Variants in DIAPH2 observed in about 807,000 individuals in gnomAD.
The protein encoded by DIAPH2 is diaphanous related formin 2.
In DIAPH2, 35 loss-of-function variants were observed where a neutral mutation model predicts 92.7. The ratio of observed to expected loss-of-function variants is 0.38; its 90% CI spans 0.29 to 0.50. The LOEUF is 0.50. Among genes scored for constraint, DIAPH2 ranks in the 20% least tolerant of loss-of-function variants. The probability of loss-of-function intolerance (pLI) is 0.94; values close to 1 mark genes in which losing one functional copy is unlikely to be tolerated. For missense variants in DIAPH2, 701 were observed against 819.5 expected (o/e 0.86, Z 1.77); for synonymous variants, 301 against 280.4 (o/e 1.07, Z -0.73).
chrX:97,578,170 A>C (rs1602678731), intron 26 of DIAPH2, among the ~76,000 whole-genome samples: 1 of 85,401 alleles, frequency 1.2e-5, no homozygotes, highest in African/African-American at 4.5e-5. Flanking sequence ...ATTTATTTTT[A>C]TTTATTTTTA....
intron 26 of DIAPH2, among the ~76,000 whole-genome samples, chrX:97,559,721 C>CA (rs1221995292): frequency 1.8e-5 from 2 of 111,152 alleles, no homozygotes; most frequent in Admixed American, 9.5e-5. Flanking sequence ...AAGATTTAAC[C>CA]AAAAAAATAC....
chrX:97,348,981 A>C (rs1052391846), intron 24 of DIAPH2, among the ~76,000 whole-genome samples: 2 of 106,761 alleles, frequency 1.9e-5, no homozygotes, highest in African/African-American at 7.0e-5. Flanking sequence ...CAAACAGGTA[A>C]AGGTGTGTGT....
chrX:97,053,627 G>C (rs893001946), intron 17 of DIAPH2, among the ~76,000 whole-genome samples: 2 of 111,415 alleles, frequency 1.8e-5, no homozygotes, highest in Admixed American at 1.9e-4. Flanking sequence ...TGAAGAATCA[G>C]AGTGATTCAG....
chrX:96,976,669 A>G (rs1189711872), intron 17 of DIAPH2, among the ~76,000 whole-genome samples: 1 of 110,884 alleles, frequency 9.0e-6, no homozygotes, highest in South Asian at 3.8e-4. Context: ...TAAGTCACCA[A>G]TTGTAGAGAG....
At chrX:96,756,285 C>T (rs766780413) in intron 3 of DIAPH2, among the ~76,000 whole-genome samples, 4 of 110,722 alleles carry the variant, frequency 3.6e-5, no homozygotes, top group African/African-American at 1.3e-4. Context: ...TCCAAACTCC[C>T]TCCTCTTCTC....
chrX:97,512,464 C>T (rs1287196327), intron 26 of DIAPH2, among the ~76,000 whole-genome samples: 120 of 108,245 alleles, frequency 1.1e-3, no homozygotes, highest in African/African-American at 4.3e-3. Context: ...AAACCAGCTC[C>T]TGGATTCATT....
At chrX:97,558,274 C>G (rs1358876664) in intron 26 of DIAPH2, among the ~76,000 whole-genome samples, 1 of 111,919 alleles carries the variant, frequency 8.9e-6, no homozygotes, top group East Asian at 2.8e-4. Context: ...GAAGACCCAA[C>G]TCTTTGTTGA....
chrX:97,345,980 A>G (rs2069152774), intron 23 of DIAPH2, among the ~76,000 whole-genome samples: 1 of 111,949 alleles, frequency 8.9e-6, no homozygotes, highest in African/African-American at 3.2e-5. Context: ...TATAATTTCT[A>G]TAAGTATAAA....
At chrX:96,856,618 A>G (rs2065041689) in intron 4 of DIAPH2, among the ~76,000 whole-genome samples, 1 of 110,131 alleles carries the variant, frequency 9.1e-6, no homozygotes, top group African/African-American at 3.3e-5. Context: ...TAAAGGGTAA[A>G]CACAATAAGC....
chrX:97,264,297 C>T (rs1226527062), intron 23 of DIAPH2, among the ~76,000 whole-genome samples: 2 of 111,315 alleles, frequency 1.8e-5, no homozygotes, highest in Admixed American at 9.6e-5. Flanking sequence ...TTAAGAAGGT[C>T]ACATAGGTGC....
intron 16 of DIAPH2, among the ~76,000 whole-genome samples, chrX:96,964,788 C>A (rs1055857502): frequency 2.7e-5 from 3 of 111,179 alleles, no homozygotes; most frequent in Non-Finnish European, 5.7e-5. Context: ...AACCCAGGAA[C>A]AAGAAGATTT....
At chrX:97,029,730 C>T (rs968619753) in intron 17 of DIAPH2, among the ~76,000 whole-genome samples, 3 of 111,218 alleles carry the variant, frequency 2.7e-5, no homozygotes, top group Non-Finnish European at 5.7e-5. Context: ...TCATAATTGT[C>T]ACCCTTATCC....
intron 4 of DIAPH2, among the ~76,000 whole-genome samples, chrX:96,790,652 A>T (rs912086647): frequency 9.0e-6 from 1 of 111,448 alleles, no homozygotes; most frequent in Admixed American, 9.6e-5. Context: ...GGGAAAAAAA[A>T]TCCTATGTAT....
intron 9 of DIAPH2, among the ~76,000 whole-genome samples, chrX:96,919,207 T>C (rs770422882): frequency 8.9e-6 from 1 of 112,621 alleles, no homozygotes; most frequent in Admixed American, 9.4e-5. Context: ...TGAGAATGCA[T>C]ATTTATTGGC....
At chrX:97,308,787 A>T (rs1000627015) in intron 23 of DIAPH2, among the ~76,000 whole-genome samples, 4 of 106,196 alleles carry the variant, frequency 3.8e-5, no homozygotes, top group East Asian at 3.1e-4. Flanking sequence ...CGCCCGGCAA[A>T]TTTTTTTGTA....
At chrX:97,388,391 A>T in intron 25 of DIAPH2, among the ~76,000 whole-genome samples, 1 of 111,674 alleles carries the variant, frequency 9.0e-6, no homozygotes, top group Non-Finnish European at 1.9e-5. Flanking sequence ...TCACTCTGTC[A>T]CCCAGGCTGG....
At chrX:97,407,956 C>A (rs1206398629) in intron 25 of DIAPH2, among the ~76,000 whole-genome samples, 1 of 111,795 alleles carries the variant, frequency 8.9e-6, no homozygotes, top group Non-Finnish European at 1.9e-5. Flanking sequence ...GTTTTACCAG[C>A]TTTGGGGAGG....
intron 25 of DIAPH2, among the ~76,000 whole-genome samples, chrX:97,413,048 C>G (rs1431799868): frequency 2.7e-5 from 3 of 112,059 alleles, no homozygotes; most frequent in Non-Finnish European, 5.6e-5. Flanking sequence ...CTCCCTAACT[C>G]ATTTTATGAG....
chrX:96,859,893 G>A (rs2065063353), intron 4 of DIAPH2, among the ~76,000 whole-genome samples: 2 of 111,229 alleles, frequency 1.8e-5, no homozygotes, highest in Non-Finnish European at 3.8e-5. Flanking sequence ...CGCCCGCCTC[G>A]GCCTCCCAAA....
Sources: gnomAD v4.1 joint callset for allele counts (sites outside exome capture counted in the v4.1 genomes callset) on GRCh38, gnomAD v4.1.1 for gene constraint, MANE v1.5 for transcripts, NCBI Gene and HGNC (gene_info 2026-07-23, HGNC 2026-07-21) for gene names.